IQCK: variants seen among roughly 807,000 people sequenced by gnomAD.
IQCK encodes IQ domain-containing protein K.
In IQCK, 29 loss-of-function variants were observed where a neutral mutation model predicts 28.1. The ratio of observed to expected loss-of-function variants is 1.03; its 90% CI spans 0.77 to 1.41. The LOEUF (loss-of-function observed/expected upper bound fraction) is 1.41. IQCK is among the 40% of genes most tolerant of loss of function. The pLI, the probability that IQCK is intolerant of heterozygous loss-of-function variation, is 0.00. For missense variants in IQCK, 359 were observed against 314.7 expected (o/e 1.14, Z -1.07); for synonymous variants, 113 against 115.1 (o/e 0.98, Z 0.12).
intron 6 of IQCK, among the ~76,000 whole-genome samples, chr16:19,782,064 G>A (rs984866697): frequency 1.3e-5 from 2 of 152,078 alleles, no homozygotes; most frequent in African/African-American, 2.4e-5. Context: ...GGCGAGGGCT[G>A]GGTAAAGTCT....
At chr16:19,856,211 G>C (rs1343301726) in intron 9 of IQCK, among the ~76,000 whole-genome samples, 1 of 152,204 alleles carries the variant, frequency 6.6e-6, no homozygotes, top group Non-Finnish European at 1.5e-5. Context: ...TCAGTACCCT[G>C]ACCGGCAAAG....
chr16:19,855,918 T>C (rs1007026693), intron 9 of IQCK, among the ~76,000 whole-genome samples: 14 of 152,176 alleles, frequency 9.2e-5, no homozygotes, highest in African/African-American at 3.4e-4. Flanking sequence ...CATATTTAAT[T>C]GGGGAGAGGC....
chr16:19,771,511 T>C (rs1274393856), intron 6 of IQCK, among the ~76,000 whole-genome samples: 1 of 152,206 alleles, frequency 6.6e-6, no homozygotes, highest in Non-Finnish European at 1.5e-5. Flanking sequence ...TACATTTTGC[T>C]GAAGATTGCT....
rs529221766 is a variant in IQCK, at chr16:19,738,739, A to C, written c.474+3289A>C. Among the ~76,000 whole-genome samples the C allele has an allele frequency of 2.0e-5, 3 of 152,328 alleles. No homozygotes were observed. In the South Asian group the frequency reaches 6.2e-4, roughly 32 times the overall value. ...TTATTTATCTCAGTGATACAGTGGTACAGGTACTTCCCAGATATTGTGGGT... is the reference window on the plus strand; with the variant it reads ...TTATTTATCTCAGTGATACAGTGGTCCAGGTACTTCCCAGATATTGTGGGT... On this transcript the variant is annotated intron_variant, in intron 4 of 7. Transcript: ENST00000564186.
chr16:19,763,837 T>G lies in IQCK; in HGVS notation c.475-11T>G. 1 of 1,602,800 alleles carries G rather than the reference T, an allele frequency of 6.2e-7. No homozygotes were observed. The highest frequency in any genetic ancestry group is 8.5e-7 in the Non-Finnish European group (1 of 1,169,814). ...GGTCAGTTGTAATTTAATTATCTCT[T>G]CTCTCTTCAGAGGAAAAGAACCAAA... On this transcript the variant is annotated splice_polypyrimidine_tract_variant and intron_variant, in intron 4 of 7. Coordinates refer to ENST00000564186, the Ensembl canonical transcript of IQCK.
intron 7 of IQCK, among the ~76,000 whole-genome samples, chr16:19,813,356 A>G (rs979114023): frequency 6.6e-6 from 1 of 152,238 alleles, no homozygotes; most frequent in Non-Finnish European, 1.5e-5. Context: ...CTAGATAAAT[A>G]AGGACAAAAC....
At chr16:19,753,880 T>C (rs867497610) in intron 4 of IQCK, among the ~76,000 whole-genome samples, 10 of 152,042 alleles carry the variant, frequency 6.6e-5, no homozygotes, top group Middle Eastern at 3.4e-3. Flanking sequence ...TGTATCCACC[T>C]ACTACATCAA....
intron 1 of IQCK, among the ~76,000 whole-genome samples, chr16:19,722,179 C>T (rs73541454): frequency 0.019 from 2,835 of 152,260 alleles, 72 homozygotes; most frequent in African/African-American, 0.064. Context: ...AAGTCTGTAA[C>T]ACCTCCTGAA....
exon 10 of IQCK, chr16:19,858,339 C>A (rs1236147469): frequency 2.2e-6 from 1 of 449,404 alleles, no homozygotes; most frequent in African/African-American, 2.0e-5. Flanking sequence ...AAAAAGGTCT[C>A]ATTAAATGAG....
At chr16:19,734,739 C>A (rs1363332858) in intron 3 of IQCK, among the ~76,000 whole-genome samples, 2 of 150,662 alleles carry the variant, frequency 1.3e-5, no homozygotes, top group Admixed American at 1.3e-4. Context: ...TATGATTGTG[C>A]CACTGCACTC....
chr16:19,733,955 T>A (rs1432515710), intron 3 of IQCK, 128 bp downstream of exon 3: 2 of 863,244 alleles, frequency 2.3e-6, no homozygotes, highest in African/African-American at 3.4e-5. Context: ...TGTTCTTGTT[T>A]TATTTTTAAG....
chr16:19,745,607 T>C (rs189752647), intron 4 of IQCK, among the ~76,000 whole-genome samples: 264 of 152,344 alleles, frequency 1.7e-3, no homozygotes, highest in African/African-American at 6.1e-3. Flanking sequence ...AATGAAATGC[T>C]TAGATGATAT....
At chr16:19,818,285 A>G (rs1378579887) in intron 7 of IQCK, among the ~76,000 whole-genome samples, 1 of 152,220 alleles carries the variant, frequency 6.6e-6, no homozygotes, top group African/African-American at 2.4e-5. Context: ...GGCTTATCCC[A>G]TGTTCTGTGA....
At chr16:19,732,186 C>T (rs555442657) in intron 2 of IQCK, among the ~76,000 whole-genome samples, 34 of 152,328 alleles carry the variant, frequency 2.2e-4, no homozygotes, top group African/African-American at 7.7e-4. Context: ...CAGTCTCTTC[C>T]AGAAAACCCT....
chr16:19,832,563 A>C (rs2056245139), intron 9 of IQCK, among the ~76,000 whole-genome samples: 1 of 152,184 alleles, frequency 6.6e-6, no homozygotes, highest in Non-Finnish European at 1.5e-5. Context: ...AAAGCCACTC[A>C]GTTCTGTAAG....
At chr16:19,757,030 G>A (rs754987423) in intron 4 of IQCK, among the ~76,000 whole-genome samples, 5 of 152,236 alleles carry the variant, frequency 3.3e-5, no homozygotes, top group Non-Finnish European at 4.4e-5. Flanking sequence ...CTAGAATTGT[G>A]AGAGACAAAT....
intron 4 of IQCK, among the ~76,000 whole-genome samples, chr16:19,743,770 G>T (rs1015616587): frequency 4.4e-4 from 67 of 152,342 alleles, no homozygotes; most frequent in Non-Finnish European, 1.2e-4. Context: ...GCAGAGGTCA[G>T]ATTCTGACAT....
At chr16:19,828,231 CTTTT>C (rs749049124), downstream of IQCK, among the ~76,000 whole-genome samples, 5 of 107,238 alleles carry the variant, frequency 4.7e-5, no homozygotes, top group East Asian at 2.8e-4. Context: ...TCTTTCTTTT[CTTTT>C]TTTTTTTTTT....
At chr16:19,838,200 G>T (rs1279796309) in intron 9 of IQCK, among the ~76,000 whole-genome samples, 1 of 152,202 alleles carries the variant, frequency 6.6e-6, no homozygotes, top group Non-Finnish European at 1.5e-5. Context: ...AACGTTGAAG[G>T]CAAGAACAAT....
Sources: gnomAD v4.1 joint callset for allele counts (sites outside exome capture counted in the v4.1 genomes callset) on GRCh38, gnomAD v4.1.1 for gene constraint, MANE v1.5 for transcripts, NCBI Gene and HGNC (gene_info 2026-07-23, HGNC 2026-07-21) for gene names.